SLC24A3: variants seen among roughly 807,000 people sequenced by gnomAD.
SLC24A3 encodes the protein solute carrier family 24 member 3.
In SLC24A3, 28 loss-of-function variants were observed where a neutral mutation model predicts 75.8. The ratio of observed to expected loss-of-function variants is 0.37; its 90% CI spans 0.27 to 0.51. SLC24A3 has a LOEUF of 0.51. SLC24A3 is among the 20% of genes least tolerant of loss of function. SLC24A3 has a pLI of 0.94. For synonymous variants in SLC24A3, 372 were observed against 334.1 expected (o/e 1.11, Z -1.24); for missense variants, 663 against 847.8 (o/e 0.78, Z 2.71).
At chr20:19,228,752 A>C (rs1002510806) in intron 1 of SLC24A3, among the ~76,000 whole-genome samples, 8 of 152,184 alleles carry the variant, frequency 5.3e-5, no homozygotes, top group African/African-American at 1.9e-4. Context: ...TCCTTACTAA[A>C]GCACTTCTGA....
intron 11 of SLC24A3, 77 bp downstream of exon 11, chr20:19,684,413 G>A: frequency 6.8e-7 from 1 of 1,476,666 alleles, no homozygotes; most frequent in Non-Finnish European, 9.1e-7. Context: ...TTTCTTGTTT[G>A]AAAGAAGAAG....
At chr20:19,496,606 G>C (rs1159299755) in intron 2 of SLC24A3, among the ~76,000 whole-genome samples, 1 of 152,150 alleles carries the variant, frequency 6.6e-6, no homozygotes, top group Non-Finnish European at 1.5e-5. Context: ...ACCTGAGCCT[G>C]GCATGAGCAT....
chr20:19,309,174 C>T (rs956653487), intron 2 of SLC24A3, among the ~76,000 whole-genome samples: 4 of 152,170 alleles, frequency 2.6e-5, no homozygotes, highest in Non-Finnish European at 4.4e-5. Flanking sequence ...AGTTTCATCC[C>T]GACAGCAGAT....
At chr20:19,490,072 T>A (rs1988187390) in intron 2 of SLC24A3, among the ~76,000 whole-genome samples, 1 of 152,204 alleles carries the variant, frequency 6.6e-6, no homozygotes, top group South Asian at 2.1e-4. Context: ...AATACTCCCC[T>A]GGATCCCACA....
intron 6 of SLC24A3, among the ~76,000 whole-genome samples, chr20:19,604,608 C>G (rs1277982978): frequency 6.6e-6 from 1 of 152,086 alleles, no homozygotes; most frequent in Non-Finnish European, 1.5e-5. Flanking sequence ...GTCAGAACCC[C>G]CAGTGTTAAC....
At chr20:19,718,475 C>G (rs987193357) in intron 16 of SLC24A3, among the ~76,000 whole-genome samples, 4 of 152,220 alleles carry the variant, frequency 2.6e-5, no homozygotes, top group African/African-American at 7.2e-5. Context: ...TGGAGCTCAT[C>G]ATGCCCCCCA....
chr20:19,254,302 C>T (rs988008583), intron 1 of SLC24A3, among the ~76,000 whole-genome samples: 3 of 152,182 alleles, frequency 2.0e-5, no homozygotes, highest in Admixed American at 2.0e-4. Flanking sequence ...ACAGGCTCCA[C>T]TGAATGTTCA....
intron 13 of SLC24A3, chr20:19,694,101 T>C (rs185375359): frequency 1.3e-4 from 20 of 152,346 alleles, no homozygotes; most frequent in Admixed American, 6.5e-4. Flanking sequence ...GACTCAGTGA[T>C]TCACATTGGT....
chr20:19,263,967 G>T (rs1453850961), intron 1 of SLC24A3: 1 of 151,984 alleles, frequency 6.6e-6, no homozygotes, highest in Non-Finnish European at 1.5e-5. Flanking sequence ...GCCAGGGGCG[G>T]TGATGGCTCA....
chr20:19,409,511 CACTGAGTCAGAAAG>C (rs146987164), intron 2 of SLC24A3, among the ~76,000 whole-genome samples: 1,604 of 152,196 alleles, frequency 0.011, 34 homozygotes, highest in African/African-American at 0.037. Context: ...GTGGATGAGC[CACTGAGTCAGAAAG>C]ACTGCAGCAC....
chr20:19,692,410 G>C (rs912420273), intron 12 of SLC24A3, among the ~76,000 whole-genome samples: 1 of 152,126 alleles, frequency 6.6e-6, no homozygotes, highest in Non-Finnish European at 1.5e-5. Flanking sequence ...ATAACAAATC[G>C]TAGCACATTC....
chr20:19,216,669 A>G (rs1981567556), intron 1 of SLC24A3, among the ~76,000 whole-genome samples: 1 of 145,416 alleles, frequency 6.9e-6, no homozygotes, highest in South Asian at 2.1e-4. Context: ...ACATATACAC[A>G]CACATATGTA....
intron 8 of SLC24A3, among the ~76,000 whole-genome samples, chr20:19,668,138 C>T (rs145881368): frequency 2.0e-5 from 3 of 152,222 alleles, no homozygotes; most frequent in African/African-American, 4.8e-5. Flanking sequence ...ACTGGCCTGT[C>T]GTGTAACTTG....
chr20:19,491,692 A>G (rs1988211417), intron 2 of SLC24A3, among the ~76,000 whole-genome samples: 1 of 152,108 alleles, frequency 6.6e-6, no homozygotes, highest in Non-Finnish European at 1.5e-5. Context: ...TGCTTTCAAG[A>G]GGAGGACTTG....
chr20:19,689,679 G>A (rs1302008395), intron 12 of SLC24A3, among the ~76,000 whole-genome samples: 1 of 152,222 alleles, frequency 6.6e-6, no homozygotes, highest in Non-Finnish European at 1.5e-5. Flanking sequence ...AAAATGTCCA[G>A]AAATGTTGTT....
chr20:19,389,643 T>C (rs1986333756), intron 2 of SLC24A3, among the ~76,000 whole-genome samples: 1 of 152,216 alleles, frequency 6.6e-6, no homozygotes, highest in African/African-American at 2.4e-5. Context: ...TTTCTCTTAC[T>C]GCTTTCAAAA....
At chr20:19,361,122 C>A (rs1259645883) in intron 2 of SLC24A3, among the ~76,000 whole-genome samples, 1 of 152,206 alleles carries the variant, frequency 6.6e-6, no homozygotes. Context: ...CCACTGCACC[C>A]GGCCAGAAAT....
chr20:19,390,610 G>A (rs1264322065), intron 2 of SLC24A3, among the ~76,000 whole-genome samples: 1 of 152,220 alleles, frequency 6.6e-6, no homozygotes, highest in Non-Finnish European at 1.5e-5. Flanking sequence ...TAAATGCTGA[G>A]TTTGCTGGAC....
At chr20:19,610,177 T>C (rs1364174440) in intron 6 of SLC24A3, among the ~76,000 whole-genome samples, 2 of 152,216 alleles carry the variant, frequency 1.3e-5, no homozygotes, top group African/African-American at 4.8e-5. Context: ...TCCTTCCACT[T>C]CCTTCTTATC....
Sources: gnomAD v4.1 joint callset for allele counts (sites outside exome capture counted in the v4.1 genomes callset) on GRCh38, gnomAD v4.1.1 for gene constraint, MANE v1.5 for transcripts, NCBI Gene and HGNC (gene_info 2026-07-23, HGNC 2026-07-21) for gene names.